CNTNAP2: variants seen among roughly 807,000 people sequenced by gnomAD.
CNTNAP2 encodes contactin associated protein 2.
In CNTNAP2, 98 loss-of-function variants were observed where a neutral mutation model predicts 155.2. The observed-to-expected ratio is 0.63, with a 90% CI of 0.54 to 0.75. The LOEUF is 0.75. Among genes scored for constraint, CNTNAP2 ranks in the 30% least tolerant of loss-of-function variants. The pLI, the probability that CNTNAP2 is intolerant of heterozygous loss-of-function variation, is 0.00. For missense variants in CNTNAP2, 1,727 were observed against 1,688.1 expected (o/e 1.02, Z -0.40); for synonymous variants, 651 against 631.2 (o/e 1.03, Z -0.47).
chr7:146,865,491 C>T (rs530747343), intron 3 of CNTNAP2, among the ~76,000 whole-genome samples: 1 of 152,104 alleles, frequency 6.6e-6, no homozygotes, highest in East Asian at 1.9e-4. Context: ...CACAAATAGA[C>T]TCACATATAT....
At chr7:147,319,720 T>C (rs1243636506) in intron 9 of CNTNAP2, among the ~76,000 whole-genome samples, 1 of 152,072 alleles carries the variant, frequency 6.6e-6, no homozygotes, top group East Asian at 1.9e-4. Context: ...GAAAATATTA[T>C]AGATATAATA....
rs572490978 is a variant in CNTNAP2, at chr7:146,664,026, G to T, written c.98-110245G>T. Among the ~76,000 whole-genome samples the T allele has an allele frequency of 3.9e-4, 60 of 152,172 alleles. No individual in the cohort carries two copies. The South Asian group carries it at 0.012, about 31-fold the overall frequency. On this transcript the variant is annotated intron_variant, in intron 1 of 23. Transcript: ENST00000361727. ...TGTAGATACTGTTTATCAGGTTGAA[G>T]AAGTTCTTTTCTATTACCAGTTTGC... is the stretch of plus-strand genomic sequence containing the variant.
Position 147,093,019 on chromosome 7 carries a change from G to A in CNTNAP2, c.551-15128G>A, listed in dbSNP as rs1435082197. ...AGGCGGATCACGACGTCAGGAGATC[G>A]AGACCATCCTGGCTAACACGGTGAA... is the stretch of plus-strand genomic sequence containing the variant. On this transcript the variant is annotated intron_variant, in intron 4 of 23. Transcript: ENST00000361727. 2.0e-5 allele frequency among the ~76,000 whole-genome samples: 3 copies of A among 151,786 alleles called. No homozygotes were observed. In the East Asian group the frequency reaches 5.8e-4, roughly 29 times the overall value.
At chr7:146,921,499 G>A (rs1407955916) in intron 3 of CNTNAP2, among the ~76,000 whole-genome samples, 1 of 152,048 alleles carries the variant, frequency 6.6e-6, no homozygotes, top group Non-Finnish European at 1.5e-5. Context: ...TTTTAAAATA[G>A]GGGTTTAATC....
chr7:147,456,787 C>T (rs1387794899), intron 10 of CNTNAP2, among the ~76,000 whole-genome samples: 2 of 152,004 alleles, frequency 1.3e-5, no homozygotes, highest in Non-Finnish European at 2.9e-5. Flanking sequence ...ATGGAATGGA[C>T]GGGATAATAG....
chr7:147,913,579 C>G (rs1018006044), intron 14 of CNTNAP2, among the ~76,000 whole-genome samples: 2 of 152,156 alleles, frequency 1.3e-5, no homozygotes, highest in African/African-American at 4.8e-5. Context: ...AAAAGAATTT[C>G]TGTTTCATAG....
intron 20 of CNTNAP2, among the ~76,000 whole-genome samples, chr7:148,231,820 T>A (rs1795967293): frequency 6.6e-6 from 1 of 152,100 alleles, no homozygotes; most frequent in South Asian, 2.1e-4. Context: ...ATCACATCTC[T>A]TGATTAGAGT....
At position 146,721,954 on chromosome 7, in the gene CNTNAP2, C is replaced by T. The variant is rs530826072; in HGVS notation, c.98-52317C>T. Among the ~76,000 whole-genome samples the T allele has an allele frequency of 3.5e-4, 49 of 141,534 alleles. No individual in the cohort carries two copies. In the East Asian group the frequency reaches 9.1e-3, roughly 26 times the overall value. 92.9% of individuals were successfully genotyped at this position (141,534 alleles called of 152,430 possible). A position where few individuals can be genotyped will look rare whatever the true frequency, so the allele number is the denominator to read the frequency against. On this transcript the variant is annotated intron_variant, in intron 1 of 23. Coordinates refer to ENST00000361727, the MANE Select transcript of CNTNAP2 (RefSeq NM_014141.6). The stretch of plus-strand genomic sequence containing the variant: ...CCCAGGCTGGAGTGCAGTGGCACGA[C>T]TTCAGCTCACTGCAACCTCCACCTC...
chr7:147,819,356 T>C (rs1419525574), intron 13 of CNTNAP2, among the ~76,000 whole-genome samples: 1 of 152,184 alleles, frequency 6.6e-6, no homozygotes, highest in Non-Finnish European at 1.5e-5. Flanking sequence ...ACAACGTTGC[T>C]GAAAAGGTCT....
At chr7:147,802,996 G>C (rs1798032326) in intron 13 of CNTNAP2, among the ~76,000 whole-genome samples, 1 of 151,812 alleles carries the variant, frequency 6.6e-6, no homozygotes, top group Non-Finnish European at 1.5e-5. Flanking sequence ...CTAATAAACA[G>C]ACAAAGGAAA....
chr7:147,156,847 C>A (rs763181259), intron 8 of CNTNAP2, among the ~76,000 whole-genome samples: 2 of 152,084 alleles, frequency 1.3e-5, no homozygotes, highest in Admixed American at 6.6e-5. Flanking sequence ...GAGATTGTTA[C>A]TTTTACCTTC....
chr7:147,616,352 C>T (rs1801293097), intron 12 of CNTNAP2, among the ~76,000 whole-genome samples: 1 of 152,142 alleles, frequency 6.6e-6, no homozygotes, highest in Non-Finnish European at 1.5e-5. Flanking sequence ...TCATTCAAGT[C>T]ACACTACTGC....
At chr7:147,379,037 G>C (rs374107581) in intron 9 of CNTNAP2, among the ~76,000 whole-genome samples, 61 of 152,042 alleles carry the variant, frequency 4.0e-4, no homozygotes, top group African/African-American at 1.3e-3. Flanking sequence ...ATGGTTATAA[G>C]GGACTTTCCC....
At chr7:147,766,192 T>C (rs536315842) in intron 13 of CNTNAP2, among the ~76,000 whole-genome samples, 18 of 152,270 alleles carry the variant, frequency 1.2e-4, no homozygotes, top group African/African-American at 4.3e-4. Context: ...AACTGTACAC[T>C]TTAAATGAGT....
In CNTNAP2 at chr7:147,880,974, C is replaced by T. The variant is rs147690132; in HGVS notation, c.2099-22591C>T. On this transcript the variant is annotated intron_variant, in intron 13 of 23. Transcript: ENST00000361727. ...AAAGAATAAATAATAATGTACATCT[C>T]CTGAGAAGATGGAGAAAGGGTAGAA... Among the ~76,000 whole-genome samples, 1,324 of 151,574 alleles carry T rather than the reference C, an allele frequency of 8.7e-3. 21 individuals are homozygous for T. Among genetic ancestry groups the T allele is most frequent in the African/African-American group, 0.031 (1,262 of 41,220 alleles).
At chr7:146,950,400 C>A (rs1797284451) in intron 3 of CNTNAP2, among the ~76,000 whole-genome samples, 1 of 152,034 alleles carries the variant, frequency 6.6e-6, no homozygotes, top group African/African-American at 2.4e-5. Flanking sequence ...CACCCATTAA[C>A]CCGCCATCTA....
At chr7:146,404,487 T>C (rs1225328108) in intron 1 of CNTNAP2, among the ~76,000 whole-genome samples, 1 of 152,206 alleles carries the variant, frequency 6.6e-6, no homozygotes, top group Admixed American at 6.5e-5. Flanking sequence ...ACTACTGTAA[T>C]AACTTCCTAA....
intron 15 of CNTNAP2, among the ~76,000 whole-genome samples, chr7:148,111,014 T>A (rs1234792484): frequency 6.6e-6 from 1 of 152,206 alleles, no homozygotes; most frequent in Non-Finnish European, 1.5e-5. Context: ...AAGTCACAGA[T>A]ACTGACATTC....
intron 1 of CNTNAP2, among the ~76,000 whole-genome samples, chr7:146,236,535 A>G (rs1261237917): frequency 4.6e-5 from 7 of 152,216 alleles, no homozygotes; most frequent in Non-Finnish European, 1.0e-4. Context: ...AAAAGTATCA[A>G]CATGACATCA....
Sources: gnomAD v4.1 joint callset for allele counts (sites outside exome capture counted in the v4.1 genomes callset) on GRCh38, gnomAD v4.1.1 for gene constraint, MANE v1.5 for transcripts, NCBI Gene and HGNC (gene_info 2026-07-23, HGNC 2026-07-21) for gene names.